SHE: variants seen among roughly 807,000 people sequenced by gnomAD.
SHE encodes SH2 domain-containing adapter protein E.
In SHE, 11 loss-of-function variants were observed where a neutral mutation model predicts 49.8. The observed-to-expected ratio is 0.22, with a 90% CI of 0.14 to 0.37. The LOEUF (loss-of-function observed/expected upper bound fraction) is 0.37, where lower values mean the gene tolerates loss of function less well. Ranked by LOEUF, SHE falls within the 10% of genes least tolerant of loss-of-function variation. The pLI is 1.00. For missense variants in SHE, 624 were observed against 655.5 expected, an observed-to-expected ratio of 0.95 and a Z score of 0.52; for synonymous variants, 310 against 278.1, an observed-to-expected ratio of 1.11 and a Z score of -1.14.
At chr1:154,490,204 C>T (rs1692321259) in intron 2 of SHE, among the ~76,000 whole-genome samples, 2 of 152,144 alleles carry the variant, frequency 1.3e-5, no homozygotes, top group South Asian at 4.1e-4. Context: ...ATGTATTGGG[C>T]TAATAACTCC....
At chr1:154,501,066 G>T (rs1692712954) in intron 1 of SHE, among the ~76,000 whole-genome samples, 1 of 152,148 alleles carries the variant, frequency 6.6e-6, no homozygotes, top group Non-Finnish European at 1.5e-5. Context: ...TGCTCAAGAA[G>T]CATAAAAGTC....
At chr1:154,494,374 GTTTTTTTTT>G (rs779645667) in intron 2 of SHE, among the ~76,000 whole-genome samples, 1 of 118,780 alleles carries the variant, frequency 8.4e-6, no homozygotes, top group African/African-American at 3.1e-5. Context: ...AGACATAACA[GTTTTTTTTT>G]TTTTTTTTTT....
At chr1:154,495,772 T>C (rs924176381) in intron 2 of SHE, among the ~76,000 whole-genome samples, 1 of 151,830 alleles carries the variant, frequency 6.6e-6, no homozygotes, top group Non-Finnish European at 1.5e-5. Flanking sequence ...TTGGGTATTC[T>C]AAAACAACAT....
chr1:154,485,763 C>A, intron 5 of SHE, 180 bp downstream of exon 5: 1 of 590,318 alleles, frequency 1.7e-6, no homozygotes, highest in African/African-American at 1.8e-5. Flanking sequence ...GGCATTTACC[C>A]AATACCAATT....
rs990863173 is a variant in SHE, at chr1:154,483,066, T to C, written c.*1083A>G. On this transcript the variant is annotated 3_prime_UTR_variant, in exon 6 of 6. Coordinates refer to ENST00000304760, the MANE Select transcript of SHE (RefSeq NM_001010846.3). ...TGTGGAGCTTTGCAAATTTCCAGAA[T>C]TTTAAAATTCAGAAATGAAATTTTT... The C allele has an allele frequency of 1.0e-6, 1 of 985,072 alleles. No homozygotes were observed. Among genetic ancestry groups the C allele is most frequent in the Non-Finnish European group, 1.2e-6 (1 of 829,596 alleles). The allele number at this position is 985,072 out of a possible 1,614,324, so 61.0% of individuals were successfully genotyped here.
chr1:154,482,836 G>A lies in SHE; in HGVS notation c.*1313C>T. The A allele has an allele frequency of 3.0e-6, 3 of 985,386 alleles. No individual in the cohort carries two copies. The highest frequency in any genetic ancestry group is 3.6e-6 in the Non-Finnish European group (3 of 829,924). 61.0% of individuals were successfully genotyped at this position (985,386 alleles called of 1,614,324 possible). On this transcript the variant is annotated 3_prime_UTR_variant, in exon 6 of 6. Transcript: ENST00000304760. ...TGTATAGTACAAGGCAGTCTGCTTG[G>A]TACAGAACGAGAGAATCTTTGTAGG...
chr1:154,495,386 T>C (rs900137432), intron 2 of SHE, among the ~76,000 whole-genome samples: 7 of 152,226 alleles, frequency 4.6e-5, no homozygotes, highest in Non-Finnish European at 7.3e-5. Context: ...TATTCAGTCA[T>C]ATCTTTTTAT....
At chr1:154,495,390 T>C (rs1692495287) in intron 2 of SHE, among the ~76,000 whole-genome samples, 1 of 152,258 alleles carries the variant, frequency 6.6e-6, no homozygotes, top group African/African-American at 2.4e-5. Flanking sequence ...CAGTCATATC[T>C]TTTTATGAAC....
chr1:154,502,198 CG>C lies in SHE; in HGVS notation c.-173del, dbSNP rs1371527148. 13 of 358,070 alleles carry C rather than the reference CG, an allele frequency of 3.6e-5. No individual in the cohort carries two copies. Among genetic ancestry groups the C allele is most frequent in the Admixed American group, 1.1e-4 (2 of 18,728 alleles). The allele number at this position is 358,070 out of a possible 1,614,324, so 22.2% of individuals were successfully genotyped here. A position where few individuals can be genotyped will look rare whatever the true frequency, so the allele number is the denominator to read the frequency against. ...CACGGCAGGCGACAGGCACGACGCGCGGGGGGCCCCGCCCGGGCTCGTCTTC... is the reference window on the plus strand; with the variant it reads ...CACGGCAGGCGACAGGCACGACGCGCGGGGGCCCCGCCCGGGCTCGTCTTC... On this transcript the variant is annotated 5_prime_UTR_variant, in exon 1 of 6. Coordinates refer to ENST00000304760, the MANE Select transcript of SHE (RefSeq NM_001010846.3).
intron 2 of SHE, among the ~76,000 whole-genome samples, chr1:154,494,544 T>A (rs1302586688): frequency 1.3e-5 from 2 of 150,728 alleles, no homozygotes; most frequent in Non-Finnish European, 3.0e-5. Flanking sequence ...TTTTTTTTTT[T>A]AATGGAGACT....
In SHE at chr1:154,502,201, G is replaced by A. The variant is rs989450879; in HGVS notation, c.-175C>T. 21 of 372,032 alleles carry A rather than the reference G, an allele frequency of 5.6e-5. No individual in the cohort carries two copies. Among genetic ancestry groups the A allele is most frequent in the Middle Eastern group, 8.4e-4 (1 of 1,188 alleles). The allele number at this position is 372,032 out of a possible 1,614,324, so 23.0% of individuals were successfully genotyped here. A position where few individuals can be genotyped will look rare whatever the true frequency, so the allele number is the denominator to read the frequency against. On this transcript the variant is annotated 5_prime_UTR_variant, in exon 1 of 6. Coordinates refer to ENST00000304760, the MANE Select transcript of SHE (RefSeq NM_001010846.3). The stretch of plus-strand genomic sequence containing the variant: ...GGCAGGCGACAGGCACGACGCGCGG[G>A]GGGCCCCGCCCGGGCTCGTCTTCAA...
chr1:154,491,429 T>C (rs994994671), intron 2 of SHE, among the ~76,000 whole-genome samples: 8 of 152,224 alleles, frequency 5.3e-5, no homozygotes, highest in Non-Finnish European at 1.2e-4. Flanking sequence ...CCTGGCGATC[T>C]TGCAATCCTT....
chr1:154,487,129 G>A (rs933024785), intron 3 of SHE, among the ~76,000 whole-genome samples: 5 of 152,028 alleles, frequency 3.3e-5, no homozygotes, highest in Non-Finnish European at 5.9e-5. Context: ...AAAAGTAGCT[G>A]GGCGTCGTGG....
intron 4 of SHE, among the ~76,000 whole-genome samples, chr1:154,486,266 T>G (rs1221022169): frequency 6.6e-6 from 1 of 151,918 alleles, no homozygotes; most frequent in Non-Finnish European, 1.5e-5. Context: ...CATACAAGAG[T>G]GAGTTAACGG....
chr1:154,475,959 G>A (rs1212062856), downstream of SHE, among the ~76,000 whole-genome samples: 1 of 152,200 alleles, frequency 6.6e-6, no homozygotes, highest in Non-Finnish European at 1.5e-5. Flanking sequence ...ACTGTGCCCA[G>A]CCCATTGTAT....
downstream of SHE, among the ~76,000 whole-genome samples, chr1:154,477,633 A>C (rs1244566147): frequency 6.6e-6 from 1 of 152,114 alleles, no homozygotes; most frequent in Non-Finnish European, 1.5e-5. Context: ...GGTCATGCCT[A>C]TAATCTCAGC....
At chr1:154,498,957 C>T (rs554754265) in intron 2 of SHE, among the ~76,000 whole-genome samples, 155 bp downstream of exon 2, 12 of 152,196 alleles carry the variant, frequency 7.9e-5, no homozygotes, top group African/African-American at 2.4e-4. Flanking sequence ...CTAAATAGTC[C>T]GACATTAGTT....
chr1:154,483,002 C>A lies in SHE; in HGVS notation c.*1147G>T. 3 of 984,728 alleles carry A rather than the reference C, an allele frequency of 3.0e-6. No homozygotes were observed. In the South Asian group the frequency reaches 1.4e-4, roughly 46 times the overall value. 61.0% of individuals were successfully genotyped at this position (984,728 alleles called of 1,614,324 possible). Reference sequence around the variant, plus strand: ...TGCCCAATGATGATGAAACAAAAGACATCGAAGTTCTATGTAATTAATTCA... The same window carrying A: ...TGCCCAATGATGATGAAACAAAAGAAATCGAAGTTCTATGTAATTAATTCA... On this transcript the variant is annotated 3_prime_UTR_variant, in exon 6 of 6. Transcript: ENST00000304760.
At chr1:154,476,674 G>GA (rs547219246), downstream of SHE, among the ~76,000 whole-genome samples, 235 of 139,300 alleles carry the variant, frequency 1.7e-3, 1 homozygote, top group Middle Eastern at 7.4e-3. Flanking sequence ...TACCGTCTCA[G>GA]AAAAAAAAAA....
Sources: gnomAD v4.1 joint callset for allele counts (sites outside exome capture counted in the v4.1 genomes callset) on GRCh38, gnomAD v4.1.1 for gene constraint, MANE v1.5 for transcripts, NCBI Gene and HGNC (gene_info 2026-07-23, HGNC 2026-07-21) for gene names.